LGMN: variants seen among roughly 807,000 people sequenced by gnomAD.
LGMN encodes legumain, also known as asparaginyl endopeptidase.
In LGMN, 36 loss-of-function variants were observed where a neutral mutation model predicts 56.8. That is an observed-to-expected ratio of 0.63 (90% CI 0.49 to 0.84). LGMN has a LOEUF of 0.84. Among genes scored for constraint, LGMN ranks in the 40% least tolerant of loss-of-function variants. The pLI is 0.00. For synonymous variants in LGMN, 199 were observed against 210.1 expected (o/e 0.95, Z 0.46); for missense variants, 446 against 556.1 (o/e 0.80, Z 1.99).
chr14:92,709,509 C>T (rs918837752), intron 11 of LGMN, among the ~76,000 whole-genome samples, 163 bp downstream of exon 11: 5 of 152,160 alleles, frequency 3.3e-5, no homozygotes, highest in Admixed American at 1.3e-4. Flanking sequence ...GAGGCAACCA[C>T]GGCTCCGCCC....
chr14:92,713,300 A>T (rs753585656), intron 7 of LGMN, among the ~76,000 whole-genome samples: 51 of 151,806 alleles, frequency 3.4e-4, no homozygotes, highest in Non-Finnish European at 6.3e-4. Flanking sequence ...GGCTGGTCTT[A>T]AACTCCTGGC....
intron 8 of LGMN, 193 bp downstream of exon 8, chr14:92,712,612 G>A: frequency 1.7e-6 from 1 of 595,348 alleles, no homozygotes; most frequent in Non-Finnish European, 3.0e-6. Context: ...CTCACATACA[G>A]ATTCTTTATT....
rs1889288072 is a variant in LGMN at position 92,704,040 on chromosome 14, AAACT to A, written c.*275_*278del. 2.9e-6 allele frequency: 2 copies of A among 697,570 alleles called. No homozygotes were observed. Among genetic ancestry groups the A allele is most frequent in the East Asian group, 5.4e-5 (2 of 37,234 alleles). The allele number at this position is 697,570 out of a possible 1,614,324, so 43.2% of individuals were successfully genotyped here. A position where few individuals can be genotyped will look rare whatever the true frequency, so the allele number is the denominator to read the frequency against. On this transcript the variant is annotated 3_prime_UTR_variant, in exon 14 of 14. Coordinates refer to ENST00000334869, the MANE Select transcript of LGMN (RefSeq NM_005606.7). ...GCCCCCATGAGCTTCCTGCTCCTCA[AAACT>A]AACAGGCAAAACAACAAACCTCCTA...
chr14:92,713,947 C>A, intron 6 of LGMN, 62 bp from the exon 7 acceptor site: 2 of 1,242,920 alleles, frequency 1.6e-6, no homozygotes, highest in Non-Finnish European at 1.2e-6. Flanking sequence ...GGATAAGCCA[C>A]TAGTAAAGTT....
At chr14:92,716,331 G>A in intron 4 of LGMN, 110 bp from the exon 5 acceptor site, 1 of 807,236 alleles carries the variant, frequency 1.2e-6, no homozygotes, top group African/African-American at 1.7e-5. Context: ...AAGGCTCATG[G>A]CTTAACAGCA....
intron 12 of LGMN, chr14:92,704,974 C>T: frequency 2.5e-6 from 1 of 397,142 alleles, no homozygotes; most frequent in Non-Finnish European, 4.8e-6. Context: ...TGACAGGGAA[C>T]TCCCGATGGC....
At chr14:92,728,769 G>T (rs1325142260) in intron 2 of LGMN, among the ~76,000 whole-genome samples, 24 of 152,200 alleles carry the variant, frequency 1.6e-4, no homozygotes. Flanking sequence ...GACTGCCTGG[G>T]TTAAATCTCA....
rs773071207 is a variant in LGMN, at chr14:92,704,340, G to A, written c.1281C>T (p.His427=). ...PLHRIKLSMD[H]VCLGHY ...CTCTTCAGTAGTGACCAAGGCACAC[G>A]TGGTCCATGGACAATTTTATCCTGC... Residue 427 remains histidine, a synonymous_variant, in exon 14 of 14, where the codon CAC becomes CAT. Transcript: ENST00000334869. The A allele has an allele frequency of 8.7e-6, 14 of 1,612,396 alleles. No individual in the cohort carries two copies. The South Asian group carries it at 9.9e-5, about 11-fold the overall frequency.
intron 2 of LGMN, among the ~76,000 whole-genome samples, chr14:92,728,413 A>G (rs976339417): frequency 1.3e-5 from 2 of 152,234 alleles, no homozygotes; most frequent in Non-Finnish European, 2.9e-5. Context: ...TAGGCCATCC[A>G]CCTGTACTGC....
At chr14:92,738,945 G>C (rs1178504972) in intron 1 of LGMN, among the ~76,000 whole-genome samples, 1 of 151,512 alleles carries the variant, frequency 6.6e-6, no homozygotes, top group Non-Finnish European at 1.5e-5. Context: ...CTTGGACCTG[G>C]GAGGCAGAGG....
At chr14:92,718,627 T>G (rs1890192223) in intron 3 of LGMN, 120 bp downstream of exon 3, 2 of 546,064 alleles carry the variant, frequency 3.7e-6, no homozygotes, top group Middle Eastern at 2.8e-4. Context: ...TGTGATCTTC[T>G]GTCTGGGAGT....
intron 10 of LGMN, among the ~76,000 whole-genome samples, chr14:92,711,289 C>G (rs1324689922): frequency 6.6e-6 from 1 of 152,212 alleles, no homozygotes; most frequent in East Asian, 1.9e-4. Context: ...ATCTACAAAC[C>G]GTAAAGCAGC....
At chr14:92,728,309 T>A (rs1379005520) in intron 2 of LGMN, among the ~76,000 whole-genome samples, 33 of 152,188 alleles carry the variant, frequency 2.2e-4, no homozygotes. Flanking sequence ...CAGATCACGA[T>A]AGGGTTCACG....
At chr14:92,733,615 A>G (rs1891161815) in intron 1 of LGMN, 1 of 152,244 alleles carries the variant, frequency 6.6e-6, no homozygotes, top group Non-Finnish European at 1.5e-5. Flanking sequence ...GTTCAAGACC[A>G]GACTGGCCAA....
rs199924879 is a variant in LGMN, at chr14:92,704,616, A to G, written c.1259+24T>C. ...GCTTTCAGAATGACATCGACCTTTC[A>G]AGCGTCACCGCTGCATTAGTTACCT... On this transcript the variant is annotated intron_variant, in intron 13 of 13. Transcript: ENST00000334869. 1.8e-5 allele frequency: 29 copies of G among 1,593,076 alleles called. No individual in the cohort carries two copies. The East Asian group carries it at 5.4e-4, about 30-fold the overall frequency.
chr14:92,719,268 C>T (rs1395896401), intron 2 of LGMN, among the ~76,000 whole-genome samples: 1 of 32,198 alleles, frequency 3.1e-5, no homozygotes, highest in Non-Finnish European at 6.8e-5. Context: ...CCGCCACCGC[C>T]GCCGCCGCCA....
Position 92,706,498 on chromosome 14 carries a change from G to C in LGMN, c.1176C>G (p.Asn392Lys). ...ALLHFRTHCF[N>K]WHSPTYEYAL... ...GCTGGCTCACCGTGGGGGAGTGCCA[G>C]TTGAAGCAGTGGGTCCGGAAGTGCA... Residue 392 changes from asparagine to lysine, a missense_variant, in exon 12 of 14, where the codon AAC (asparagine) becomes AAG (lysine). Asn to Lys is a moderately conservative substitution (Grantham distance 94). Coordinates refer to ENST00000334869, the MANE Select transcript of LGMN (RefSeq NM_005606.7). 6.4e-7 allele frequency: 1 copy of C among 1,555,878 alleles called. No homozygotes were observed. The highest frequency in any genetic ancestry group is 8.8e-7 in the Non-Finnish European group (1 of 1,139,574).
intron 11 of LGMN, among the ~76,000 whole-genome samples, chr14:92,706,960 G>A (rs558869030): frequency 2.2e-4 from 33 of 152,320 alleles, no homozygotes; most frequent in Non-Finnish European, 3.5e-4. Context: ...CGACTGTGCC[G>A]TGAGGGTGCT....
chr14:92,719,311 A>G (rs189253561), intron 2 of LGMN, among the ~76,000 whole-genome samples: 4,807 of 76,690 alleles, frequency 0.063, 249 homozygotes, highest in East Asian at 0.13. Flanking sequence ...CACCGCCGCC[A>G]CCGCCGCCGC....
Sources: gnomAD v4.1 joint callset for allele counts (sites outside exome capture counted in the v4.1 genomes callset) on GRCh38, gnomAD v4.1.1 for gene constraint, MANE v1.5 for transcripts, NCBI Gene and HGNC (gene_info 2026-07-23, HGNC 2026-07-21) for gene names.